RNPEP: variants seen among roughly 807,000 people sequenced by gnomAD.
RNPEP encodes aminopeptidase B.
RNPEP carries 57 observed loss-of-function variants against 70.1 expected under a neutral mutation model. The ratio of observed to expected loss-of-function variants is 0.81; its 90% confidence interval spans 0.66 to 1.01. RNPEP has a LOEUF of 1.01. Among genes scored for constraint, RNPEP ranks in the 50% least tolerant of loss-of-function variants. The pLI is 0.00. For missense variants in RNPEP, 787 were observed against 852.4 expected, an observed-to-expected ratio of 0.92 and a Z score of 0.96; for synonymous variants, 335 against 357.4, an observed-to-expected ratio of 0.94 and a Z score of 0.71.
Position 201,983,061 on chromosome 1 carries a change from C to A in RNPEP, c.395C>A (p.Ala132Asp), listed in dbSNP as rs1338668905. 1 of 1,526,594 alleles carries A rather than the reference C, an allele frequency of 6.6e-7. No individual in the cohort carries two copies. Among genetic ancestry groups the A allele is most frequent in the Admixed American group, 2.1e-5 (1 of 48,228 alleles). 94.6% of individuals were successfully genotyped at this position (1,526,594 alleles called of 1,614,324 possible). The part of the protein sequence containing the change: ...LCVSFPQPCR[A>D]AERLQVLLTY... ...GTGTCCTTCCCGCAGCCCTGCCGCG[C>A]CGCCGAGCGCCTCCAGGTGCTGCTC... Residue 132 changes from alanine to aspartate, a missense_variant, in exon 1 of 11, where the codon GCC becomes GAC. By Grantham distance (126) the Ala-to-Asp change is moderately radical. Coordinates refer to ENST00000295640, the MANE Select transcript of RNPEP (RefSeq NM_020216.4).
chr1:202,004,762 G>A (rs764735686), intron 10 of RNPEP, among the ~76,000 whole-genome samples: 6 of 152,264 alleles, frequency 3.9e-5, no homozygotes, highest in Non-Finnish European at 7.3e-5. Context: ...CAGAGCCAAC[G>A]CAGAGGCGGG....
chr1:202,001,325 C>T (rs374512428), intron 6 of RNPEP, 51 bp from the exon 7 acceptor site: 108 of 1,249,914 alleles, frequency 8.6e-5, no homozygotes, highest in East Asian at 1.9e-4. Context: ...AAGAACGTTA[C>T]GGGTGACAGG....
At chr1:201,991,001 G>A (rs554360848) in intron 3 of RNPEP, among the ~76,000 whole-genome samples, 1 of 152,292 alleles carries the variant, frequency 6.6e-6, no homozygotes, top group African/African-American at 2.4e-5. Flanking sequence ...TGACAACATG[G>A]TATATCGAAC....
At chr1:201,989,293 C>A in intron 2 of RNPEP, 90 bp from the exon 3 acceptor site, 2 of 1,458,776 alleles carry the variant, frequency 1.4e-6, no homozygotes, top group Non-Finnish European at 1.9e-6. Flanking sequence ...CCATTATCAT[C>A]ACACACAGGT....
intron 3 of RNPEP, among the ~76,000 whole-genome samples, chr1:201,989,791 G>A (rs1239609992): frequency 6.6e-6 from 1 of 152,062 alleles, no homozygotes; most frequent in Non-Finnish European, 1.5e-5. Flanking sequence ...CGCTGTCCTG[G>A]GCTGCCTTAC....
intron 3 of RNPEP, among the ~76,000 whole-genome samples, chr1:201,991,642 G>C (rs1011286106): frequency 6.6e-6 from 1 of 152,230 alleles, no homozygotes; most frequent in Non-Finnish European, 1.5e-5. Flanking sequence ...AGGACCACTA[G>C]TTGGCAAAAC....
chr1:201,997,231 G>C, intron 4 of RNPEP, 88 bp from the exon 5 acceptor site: 1 of 973,380 alleles, frequency 1.0e-6, no homozygotes, highest in South Asian at 1.3e-5. Flanking sequence ...GCATCTGTTA[G>C]GGCTTGGAAA....
chr1:202,001,102 C>T (rs1571644532), intron 6 of RNPEP: 1 of 424,016 alleles, frequency 2.4e-6, no homozygotes, highest in South Asian at 3.1e-5. Context: ...CAGTGAATGG[C>T]CCTCTGAGAT....
intron 1 of RNPEP, 31 bp downstream of exon 1, chr1:201,983,144 G>A (rs1683001118): frequency 7.0e-7 from 1 of 1,436,412 alleles, no homozygotes; most frequent in Non-Finnish European, 9.0e-7. Flanking sequence ...GCCCGCCGCT[G>A]CCTGCCTGCC....
chr1:201,984,045 C>T (rs1271317652), intron 1 of RNPEP, among the ~76,000 whole-genome samples: 1 of 152,170 alleles, frequency 6.6e-6, no homozygotes, highest in African/African-American at 2.4e-5. Flanking sequence ...ATTCTCGTAC[C>T]TCACCCTCCC....
At chr1:202,003,830 G>A (rs1472645355) in intron 9 of RNPEP, among the ~76,000 whole-genome samples, 2 of 152,196 alleles carry the variant, frequency 1.3e-5, no homozygotes, top group African/African-American at 4.8e-5. Context: ...AGTAGGCGGT[G>A]TGATGTTAAT....
chr1:201,983,614 A>C, intron 1 of RNPEP: 3 of 1,264,644 alleles, frequency 2.4e-6, no homozygotes, highest in Non-Finnish European at 3.1e-6. Context: ...TTCTAGTTCC[A>C]CGGTTAAAGC....
chr1:201,983,530 A>G (rs1305598560), intron 1 of RNPEP: 6 of 1,320,538 alleles, frequency 4.5e-6, no homozygotes, highest in South Asian at 1.2e-5. Context: ...CCTGATTATC[A>G]GCCACCTTAT....
intron 5 of RNPEP, 146 bp downstream of exon 5, chr1:201,997,700 A>T (rs1683612578): frequency 3.5e-6 from 2 of 570,418 alleles, no homozygotes; most frequent in East Asian, 3.0e-5. Flanking sequence ...TGTATGTATG[A>T]ATTGTCAAAC....
intron 1 of RNPEP, chr1:201,983,969 C>T (rs1683034520): frequency 2.7e-6 from 2 of 732,442 alleles, no homozygotes; most frequent in Non-Finnish European, 3.3e-6. Flanking sequence ...GTCTCACTCT[C>T]GTCCAGGCTG....
Position 201,990,649 on chromosome 1 carries a change from G to C in RNPEP, c.737+1118G>C, listed in dbSNP as rs938314728. ...ATAACTGGGCTCAGTGGCACTGCTG[G>C]TATCATGAGTCTTAGTTTCTGGTTA... On this transcript the variant is annotated intron_variant, in intron 3 of 10. Coordinates refer to ENST00000295640, the MANE Select transcript of RNPEP (RefSeq NM_020216.4). Among the ~76,000 whole-genome samples, 8 of 147,948 alleles carry C rather than the reference G, an allele frequency of 5.4e-5. No individual in the cohort carries two copies. In the Admixed American group the frequency reaches 5.5e-4, roughly 10 times the overall value.
intron 1 of RNPEP, among the ~76,000 whole-genome samples, chr1:201,988,497 G>A (rs1683214132): frequency 6.7e-6 from 1 of 149,264 alleles, no homozygotes; most frequent in Non-Finnish European, 1.5e-5. Flanking sequence ...ATTAATCACT[G>A]ACTCCCAGTT....
At chr1:202,003,775 C>G (rs1683935389) in intron 9 of RNPEP, among the ~76,000 whole-genome samples, 1 of 152,184 alleles carries the variant, frequency 6.6e-6, no homozygotes, top group Non-Finnish European at 1.5e-5. Context: ...TCTTGTAAGG[C>G]TTTTGTGTCT....
chr1:201,997,419 T>G lies in RNPEP; in HGVS notation c.955T>G (p.Leu319Val), dbSNP rs1683596282. The change falls in exon 5 of 11, where the codon TTG becomes GTG. Residue 319 changes from leucine to valine, a missense_variant. Physicochemically the swap from Leu to Val is conservative, Grantham distance 32. Coordinates refer to ENST00000295640, the MANE Select transcript of RNPEP (RefSeq NM_020216.4). ...CTGCCTGCTAGCTGGGGACCGCTCC[T>G]TGGCAGATGTCATCATCCATGAGAT... is the stretch of plus-strand genomic sequence containing the variant. ...TPCLLAGDRSLADVIIHEISH... is the reference protein window; with the variant it reads ...TPCLLAGDRSVADVIIHEISH... The G allele has an allele frequency of 6.2e-7, 1 of 1,614,038 alleles. No individual in the cohort carries two copies. Among genetic ancestry groups the G allele is most frequent in the Admixed American group, 1.7e-5 (1 of 59,996 alleles).
Sources: allele counts gnomAD v4.1 joint callset (sites outside exome capture counted in the v4.1 genomes callset), GRCh38; gene constraint gnomAD v4.1.1; transcripts MANE v1.5; gene names NCBI Gene and HGNC (gene_info 2026-07-23, HGNC 2026-07-21).